Variants in NSMCE2 observed in about 807,000 individuals in gnomAD.
NSMCE2 encodes E3 SUMO-protein ligase NSE2.
A neutral mutation model predicts 23.8 loss-of-function variants in NSMCE2; 24 were observed. The ratio of observed to expected loss-of-function variants is 1.01; its 90% CI spans 0.73 to 1.42. NSMCE2 has a LOEUF of 1.42. Ranked by LOEUF, NSMCE2 falls within the 40% of genes most tolerant of loss-of-function variation. The pLI, the probability that NSMCE2 is intolerant of heterozygous loss-of-function variation, is 0.00. For synonymous variants in NSMCE2, 92 were observed against 94.1 expected, an observed-to-expected ratio of 0.98 and a Z score of 0.13; for missense variants, 284 against 296.5, an observed-to-expected ratio of 0.96 and a Z score of 0.31.
intron 5 of NSMCE2, among the ~76,000 whole-genome samples, chr8:125,318,933 AAG>A (rs1829316564): frequency 6.6e-6 from 1 of 152,186 alleles, no homozygotes; most frequent in Admixed American, 6.5e-5. Context: ...GAGATGCACA[AAG>A]AGAGAAATCT....
chr8:125,159,284 C>A (rs547101438), intron 4 of NSMCE2, among the ~76,000 whole-genome samples: 4 of 152,252 alleles, frequency 2.6e-5, no homozygotes, highest in Non-Finnish European at 5.9e-5. Context: ...AAAACATAGT[C>A]ATACAGTCAT....
intron 5 of NSMCE2, among the ~76,000 whole-genome samples, chr8:125,282,739 A>G (rs1364471260): frequency 1.3e-5 from 2 of 152,254 alleles, no homozygotes; most frequent in African/African-American, 4.8e-5. Flanking sequence ...TAATAATGCT[A>G]CACAGCTTAT....
chr8:125,221,043 C>A (rs1824834447), intron 5 of NSMCE2, among the ~76,000 whole-genome samples: 1 of 152,170 alleles, frequency 6.6e-6, no homozygotes, highest in South Asian at 2.1e-4. Flanking sequence ...GATACCAGTC[C>A]TGCAGTAGCA....
chr8:125,325,294 TTAAAATAAAA>T (rs111749670), intron 5 of NSMCE2, among the ~76,000 whole-genome samples: 11 of 127,188 alleles, frequency 8.6e-5, no homozygotes, highest in South Asian at 5.0e-4. Context: ...CCCGTTTCTA[TTAAAATAAAA>T]TAAAATAAAA....
At chr8:125,337,596 T>C (rs1180455979) in intron 5 of NSMCE2, among the ~76,000 whole-genome samples, 5 of 152,194 alleles carry the variant, frequency 3.3e-5, no homozygotes, top group Admixed American at 3.3e-4. Flanking sequence ...ATGTTGACTC[T>C]AGAAAACAAC....
chr8:125,299,816 T>G (rs989966738), intron 5 of NSMCE2, among the ~76,000 whole-genome samples: 16 of 125,134 alleles, frequency 1.3e-4, no homozygotes, highest in Non-Finnish European at 3.4e-5. Flanking sequence ...TTTTTTTTTT[T>G]TTTTTTTTTT....
At chr8:125,259,084 T>C (rs1826567162) in intron 5 of NSMCE2, among the ~76,000 whole-genome samples, 1 of 152,188 alleles carries the variant, frequency 6.6e-6, no homozygotes, top group African/African-American at 2.4e-5. Context: ...ATATTTTTAG[T>C]AGAGACGGGG....
chr8:125,350,985 G>C (rs922451446), intron 5 of NSMCE2, among the ~76,000 whole-genome samples: 2 of 152,222 alleles, frequency 1.3e-5, no homozygotes, highest in African/African-American at 4.8e-5. Context: ...GCATGAAGTA[G>C]AGAATGAGAG....
intron 5 of NSMCE2, among the ~76,000 whole-genome samples, chr8:125,222,056 G>A (rs1012805192): frequency 1.3e-5 from 2 of 151,924 alleles, no homozygotes; most frequent in African/African-American, 4.8e-5. Flanking sequence ...ATACTCATTT[G>A]TCAAACTTGT....
chr8:125,240,560 C>A (rs1255879836), intron 5 of NSMCE2, among the ~76,000 whole-genome samples: 2 of 152,186 alleles, frequency 1.3e-5, no homozygotes, highest in Non-Finnish European at 2.9e-5. Context: ...TTCTATTCTG[C>A]CTTTCTGAAT....
chr8:125,166,758 G>C (rs2130748387), intron 4 of NSMCE2, among the ~76,000 whole-genome samples: 1 of 152,272 alleles, frequency 6.6e-6, no homozygotes, highest in South Asian at 2.1e-4. Context: ...TCCCAGCTAT[G>C]GAAGACTGGT....
rs150635636 is a variant in NSMCE2, at chr8:125,259,075, T to C, written c.418+76819T>C. Among the ~76,000 whole-genome samples the C allele has an allele frequency of 6.6e-3, 1,009 of 152,312 alleles. 8 individuals are homozygous for C. Among genetic ancestry groups the C allele is most frequent in the African/African-American group, 0.023 (961 of 41,556 alleles). ...GCACTATCACACCCGGCTAATTTTA[T>C]ATTTTTAGTAGAGACGGGGTTTCTC... On this transcript the variant is annotated intron_variant, in intron 5 of 7. Transcript: ENST00000287437.
chr8:125,286,318 T>TA (rs200881955), intron 5 of NSMCE2, among the ~76,000 whole-genome samples: 6 of 148,744 alleles, frequency 4.0e-5, no homozygotes, highest in East Asian at 2.0e-4. Flanking sequence ...TTTATTTATT[T>TA]TTTTTTTTTT....
chr8:125,322,544 A>T (rs1829498447), intron 5 of NSMCE2, among the ~76,000 whole-genome samples: 1 of 152,238 alleles, frequency 6.6e-6, no homozygotes, highest in African/African-American at 2.4e-5. Context: ...AACTGAAAGC[A>T]TATCCCCTAA....
intron 5 of NSMCE2, among the ~76,000 whole-genome samples, chr8:125,295,945 A>G (rs979958514): frequency 2.6e-5 from 4 of 152,188 alleles, no homozygotes; most frequent in Non-Finnish European, 5.9e-5. Flanking sequence ...ATAATCCTGA[A>G]CCATGTGCCT....
intron 5 of NSMCE2, among the ~76,000 whole-genome samples, chr8:125,188,157 A>T (rs762024277): frequency 1.3e-5 from 2 of 152,228 alleles, no homozygotes; most frequent in Non-Finnish European, 2.9e-5. Context: ...ACTTTACAAA[A>T]GGATTCTCTG....
chr8:125,159,342 G>A (rs1328794537), intron 4 of NSMCE2, among the ~76,000 whole-genome samples: 10 of 152,184 alleles, frequency 6.6e-5, no homozygotes, highest in African/African-American at 2.2e-4. Context: ...ACATATGATG[G>A]TGGTGCCATA....
At chr8:125,272,808 CACACGT>C (rs1280807693) in intron 5 of NSMCE2, among the ~76,000 whole-genome samples, 2 of 136,978 alleles carry the variant, frequency 1.5e-5, no homozygotes, top group African/African-American at 5.7e-5. Flanking sequence ...TATATATACA[CACACGT>C]ATATATATAC....
intron 5 of NSMCE2, among the ~76,000 whole-genome samples, chr8:125,323,627 A>G (rs1301657206): frequency 1.3e-5 from 2 of 152,242 alleles, no homozygotes; most frequent in African/African-American, 2.4e-5. Context: ...CAATATTCAT[A>G]TATTCAGAAT....
Sources: allele counts gnomAD v4.1 joint callset (sites outside exome capture counted in the v4.1 genomes callset), GRCh38; gene constraint gnomAD v4.1.1; transcripts MANE v1.5; gene names NCBI Gene and HGNC (gene_info 2026-07-23, HGNC 2026-07-21).